The following CELF2 variants were observed in gnomAD, a reference collection of about 807,000 sequenced individuals.
The protein encoded by CELF2 is CUG triplet repeat RNA-binding protein 2.
Under a neutral mutation model 62.6 loss-of-function variants are expected in CELF2, and 8 were observed. That is an observed-to-expected ratio of 0.13 (90% CI 0.07 to 0.23). The LOEUF (loss-of-function observed/expected upper bound fraction) is 0.23, where lower values mean the gene tolerates loss of function less well. Ranked by LOEUF, CELF2 falls within the 10% of genes least tolerant of loss-of-function variation. The pLI, the probability that CELF2 is intolerant of heterozygous loss-of-function variation, is 1.00. For missense variants in CELF2, 333 were observed against 671.0 expected (o/e 0.50, Z 5.56); for synonymous variants, 258 against 250.0 (o/e 1.03, Z -0.30).
chr10:11,118,119 A>G (rs1302999711), intron 1 of CELF2, among the ~76,000 whole-genome samples: 1 of 152,174 alleles, frequency 6.6e-6, no homozygotes. Context: ...TGAATTAAAT[A>G]AGGCCATGTG....
At chr10:10,467,345 C>A in the CELF2 span, among the ~76,000 whole-genome samples, 2 of 151,952 alleles carry the variant, frequency 1.3e-5, no homozygotes, top group East Asian at 3.9e-4. Context: ...AAAGACTATT[C>A]TTTACCCCCA....
chr10:10,500,505 G>C, the CELF2 span, among the ~76,000 whole-genome samples: 1 of 152,136 alleles, frequency 6.6e-6, no homozygotes, highest in Non-Finnish European at 1.5e-5. Flanking sequence ...TTTTATAAAG[G>C]TTTTATAAAG....
chr10:10,719,917 C>T, the CELF2 span, among the ~76,000 whole-genome samples: 1 of 152,192 alleles, frequency 6.6e-6, no homozygotes, highest in Non-Finnish European at 1.5e-5. Context: ...ACAAAAACAG[C>T]CGTTTTCAGT....
intron 2 of CELF2, among the ~76,000 whole-genome samples, chr10:10,988,908 C>T (rs1042132029): frequency 2.0e-5 from 3 of 151,550 alleles, no homozygotes; most frequent in African/African-American, 4.9e-5. Flanking sequence ...CACTAAAGAT[C>T]GAAATTTTGT....
upstream of CELF2, among the ~76,000 whole-genome samples, chr10:11,003,027 A>G (rs928836759): frequency 1.3e-5 from 2 of 152,232 alleles, no homozygotes; most frequent in African/African-American, 4.8e-5. This position sits in a 1 kb window ranked among gnomAD's most constrained non-coding sequence, Gnocchi z 4.4. Flanking sequence ...GACTTACTAT[A>G]TACACTATGT....
upstream of CELF2, among the ~76,000 whole-genome samples, chr10:11,015,276 G>A (rs534092975): frequency 4.2e-4 from 64 of 152,238 alleles, no homozygotes; most frequent in African/African-American, 1.5e-3. The surrounding 1 kb of genome is among the most constrained non-coding windows in gnomAD (Gnocchi z 4.8). Context: ...TTGGTTGGGT[G>A]TTCTTGTTTT....
At chr10:11,063,992 G>T (rs2067444914) in intron 1 of CELF2, among the ~76,000 whole-genome samples, 1 of 152,164 alleles carries the variant, frequency 6.6e-6, no homozygotes, top group Non-Finnish European at 1.5e-5. Context: ...CATTCACTCA[G>T]TTGAACTACA....
chr10:11,206,328 C>T (rs2060425915), intron 2 of CELF2, among the ~76,000 whole-genome samples: 1 of 152,232 alleles, frequency 6.6e-6, no homozygotes, highest in Non-Finnish European at 1.5e-5. Context: ...TTCTAACCTA[C>T]CTCTCATTGC....
At chr10:10,765,265 A>T in the CELF2 span, among the ~76,000 whole-genome samples, 2 of 152,230 alleles carry the variant, frequency 1.3e-5, no homozygotes, top group African/African-American at 4.8e-5. Flanking sequence ...ACCAGTCCCA[A>T]GGCATCTCTT....
At chr10:11,096,907 A>T (rs1004097096) in intron 1 of CELF2, among the ~76,000 whole-genome samples, 1 of 152,212 alleles carries the variant, frequency 6.6e-6, no homozygotes, top group Non-Finnish European at 1.5e-5. Flanking sequence ...GAGGTCTGAC[A>T]GAAGCTTCTT....
Position 10,964,377 on chromosome 10 carries a change from A to G in CELF2, c.89+44378A>G, listed in dbSNP as rs12251401. 1.7e-3 allele frequency among the ~76,000 whole-genome samples: 258 copies of G among 152,340 alleles called. 3 individuals are homozygous for G. The highest frequency in any genetic ancestry group is 5.9e-3 in the African/African-American group (245 of 41,580). On this transcript the variant is annotated intron_variant, in intron 2 of 13. Transcript: ENST00000636488. ...AAGGGGGTAAACTGGCCACTTTTTGAAGGTGTTTTAACACTTTTGACCTTT... is the reference window on the plus strand; with the variant it reads ...AAGGGGGTAAACTGGCCACTTTTTGGAGGTGTTTTAACACTTTTGACCTTT...
chr10:10,573,446 G>A, the CELF2 span, among the ~76,000 whole-genome samples: 5 of 152,030 alleles, frequency 3.3e-5, no homozygotes, highest in Non-Finnish European at 7.4e-5. Flanking sequence ...TTTATACCTT[G>A]ACTGCAATGA....
chr10:11,274,018 G>A (rs1015345085), intron 7 of CELF2, among the ~76,000 whole-genome samples: 22 of 126,856 alleles, frequency 1.7e-4, no homozygotes, highest in African/African-American at 6.5e-4. Context: ...ACAGATGTGA[G>A]CCACTGCACC....
At chr10:10,494,967 G>A in the CELF2 span, among the ~76,000 whole-genome samples, 2 of 152,102 alleles carry the variant, frequency 1.3e-5, no homozygotes, top group Non-Finnish European at 2.9e-5. Context: ...AAAGTCCACT[G>A]TGTCCCATCA....
At chr10:10,805,728 C>G (rs568784283) in intron 1 of CELF2, among the ~76,000 whole-genome samples, 4 of 152,196 alleles carry the variant, frequency 2.6e-5, no homozygotes, top group African/African-American at 7.2e-5. Flanking sequence ...CAGAGGAGCC[C>G]GGCTGGAGTT....
At chr10:10,788,154 A>C in the CELF2 span, among the ~76,000 whole-genome samples, 1,980 of 152,326 alleles carry the variant, frequency 0.013, 45 homozygotes, top group African/African-American at 0.046. Flanking sequence ...AAGAAGCTTC[A>C]GACCAGTAAG....
At chr10:11,193,003 C>A (rs1234397170) in intron 2 of CELF2, among the ~76,000 whole-genome samples, 4 of 152,202 alleles carry the variant, frequency 2.6e-5, no homozygotes, top group Non-Finnish European at 4.4e-5. Flanking sequence ...TGTGAATTTT[C>A]ACATTTTTCA....
intron 3 of CELF2, among the ~76,000 whole-genome samples, chr10:11,241,878 G>A (rs2074020418): frequency 6.6e-6 from 1 of 152,094 alleles, no homozygotes; most frequent in African/African-American, 2.4e-5. Context: ...TTTGAAACTT[G>A]TTTTTAGCAT....
chr10:10,506,453 T>C, the CELF2 span, among the ~76,000 whole-genome samples: 1 of 152,078 alleles, frequency 6.6e-6, no homozygotes, highest in Non-Finnish European at 1.5e-5. Context: ...ACCAGAAAGA[T>C]TGATGTAAAT....
Sources: allele counts gnomAD v4.1 joint callset (sites outside exome capture counted in the v4.1 genomes callset), GRCh38; gene constraint gnomAD v4.1.1; non-coding constraint Gnocchi (gnomAD v3.1); transcripts MANE v1.5; gene names NCBI Gene and HGNC (gene_info 2026-07-23, HGNC 2026-07-21).